KCNH8: variants seen among roughly 807,000 people sequenced by gnomAD.
KCNH8 encodes the protein voltage-gated delayed rectifier potassium channel KCNH8.
A neutral mutation model predicts 103.6 loss-of-function variants in KCNH8; 70 were observed. The observed-to-expected ratio is 0.68, with a 90% CI of 0.56 to 0.82. The LOEUF is 0.82. KCNH8 is among the 40% of genes least tolerant of loss of function. The pLI is 0.00. For missense variants in KCNH8, 1,217 were observed against 1,329.9 expected (o/e 0.92, Z 1.32); for synonymous variants, 498 against 489.4 (o/e 1.02, Z -0.23).
chr3:19,275,248 C>T (rs890785965), intron 2 of KCNH8, among the ~76,000 whole-genome samples: 10 of 151,952 alleles, frequency 6.6e-5, no homozygotes, highest in African/African-American at 2.2e-4. Flanking sequence ...ATATAGTATG[C>T]GTATTCTACC....
chr3:19,223,459 T>TA (rs953554983), intron 1 of KCNH8, among the ~76,000 whole-genome samples: 1 of 152,188 alleles, frequency 6.6e-6, no homozygotes, highest in African/African-American at 2.4e-5. Flanking sequence ...CATATTTTTT[T>TA]AAAATAAAGT....
At chr3:19,412,405 A>G (rs1461104712) in intron 7 of KCNH8, among the ~76,000 whole-genome samples, 1 of 152,052 alleles carries the variant, frequency 6.6e-6, no homozygotes, top group East Asian at 1.9e-4. Context: ...GGTGGATTAA[A>G]GAGTTAAATG....
At position 19,240,575 on chromosome 3, in the gene KCNH8, G is replaced by C. The variant is rs371461181; in HGVS notation, c.77-13079G>C. 1.1e-4 allele frequency among the ~76,000 whole-genome samples: 16 copies of C among 148,422 alleles called. No individual in the cohort carries two copies. The East Asian group carries it at 2.8e-3, about 26-fold the overall frequency. On this transcript the variant is annotated intron_variant, in intron 1 of 15. Coordinates refer to ENST00000328405, the MANE Select transcript of KCNH8 (RefSeq NM_144633.3). ...TGCGGTGAGCCGAGATCGTGCCACT[G>C]TACTCCAGCCTGGGCAACAAGAGCG...
chr3:19,216,869 C>T lies in KCNH8; in HGVS notation c.77-36785C>T, dbSNP rs140968404. Among the ~76,000 whole-genome samples, 57 of 152,280 alleles carry T rather than the reference C, an allele frequency of 3.7e-4. 1 individual carries two copies. The East Asian group carries it at 7.5e-3, about 20-fold the overall frequency. ...GTATGGCAACAGGCCAGATCCAGGA[C>T]GCCGATGCTTGCCAGGAAGGGTGAG... On this transcript the variant is annotated intron_variant, in intron 1 of 15. Transcript: ENST00000328405.
At chr3:19,249,145 A>G (rs989602230) in intron 1 of KCNH8, among the ~76,000 whole-genome samples, 5 of 152,240 alleles carry the variant, frequency 3.3e-5, no homozygotes, top group Admixed American at 2.6e-4. Flanking sequence ...CCCTTAGCAT[A>G]TGTATGGATA....
Position 19,391,305 on chromosome 3 carries a change from G to T in KCNH8, c.969+667G>T, listed in dbSNP as rs550476248. Among the ~76,000 whole-genome samples, 13 of 152,154 alleles carry T rather than the reference G, an allele frequency of 8.5e-5. No individual in the cohort carries two copies. The East Asian group carries it at 2.5e-3, about 30-fold the overall frequency. ...CAGGACAGAAAGCATATCACTTGTA[G>T]TAGCAGCCATTTTTATAATTTAATG... On this transcript the variant is annotated intron_variant, in intron 6 of 15. Coordinates refer to ENST00000328405, the MANE Select transcript of KCNH8 (RefSeq NM_144633.3).
chr3:19,248,106 T>C (rs150464731), intron 1 of KCNH8, among the ~76,000 whole-genome samples: 981 of 152,070 alleles, frequency 6.5e-3, no homozygotes, highest in Non-Finnish European at 0.011. Flanking sequence ...TATGAAAGGG[T>C]ATAATGAAAA....
intron 1 of KCNH8, among the ~76,000 whole-genome samples, chr3:19,246,705 C>G (rs1169092938): frequency 1.3e-5 from 2 of 152,072 alleles, no homozygotes; most frequent in African/African-American, 4.8e-5. Context: ...CATTTACTGT[C>G]ACTAGGTTCT....
chr3:19,308,769 CCTCCCTCT>C lies in KCNH8; in HGVS notation c.442+27444_442+27451del, dbSNP rs2065171203. 7.0e-5 allele frequency among the ~76,000 whole-genome samples: 2 copies of C among 28,556 alleles called. 1 individual carries two copies. Among genetic ancestry groups the C allele is most frequent in the East Asian group, 2.3e-3 (2 of 878 alleles). 18.7% of individuals were successfully genotyped at this position (28,556 alleles called of 152,430 possible). On this transcript the variant is annotated intron_variant, in intron 3 of 15. Transcript: ENST00000328405. ...CCCTCTCTCCCTCTCTCCCTCTCTC[CCTCCCTCT>C]CTCTCTCTCCCTCTCTCTCTCTCCC...
intron 1 of KCNH8, among the ~76,000 whole-genome samples, chr3:19,169,255 CTTTT>C (rs768036667): frequency 3.2e-5 from 4 of 124,962 alleles, no homozygotes; most frequent in South Asian, 2.5e-4. Flanking sequence ...TTCTTTCTTT[CTTTT>C]TTTTTTTTTT....
intron 5 of KCNH8, among the ~76,000 whole-genome samples, chr3:19,355,360 T>C (rs2065865917): frequency 6.6e-6 from 1 of 152,220 alleles, no homozygotes; most frequent in Non-Finnish European, 1.5e-5. Flanking sequence ...AAATACCATT[T>C]GACCCAGCCA....
At chr3:19,255,330 A>G (rs2064333139) in intron 2 of KCNH8, among the ~76,000 whole-genome samples, 2 of 152,160 alleles carry the variant, frequency 1.3e-5, no homozygotes, top group South Asian at 2.1e-4. Flanking sequence ...ATACGCATAT[A>G]TTAAGAAGTT....
At chr3:19,330,727 T>C (rs1427254167) in intron 3 of KCNH8, among the ~76,000 whole-genome samples, 2 of 152,170 alleles carry the variant, frequency 1.3e-5, no homozygotes, top group East Asian at 3.9e-4. Flanking sequence ...AGTACAAACA[T>C]AGGAGGGTCT....
intron 8 of KCNH8, among the ~76,000 whole-genome samples, chr3:19,446,733 A>T (rs182787200): frequency 1.3e-5 from 2 of 152,092 alleles, no homozygotes. Flanking sequence ...ATTAGCAATG[A>T]TGTTATACTC....
chr3:19,244,332 G>A (rs773110858), intron 1 of KCNH8, among the ~76,000 whole-genome samples: 10 of 152,070 alleles, frequency 6.6e-5, no homozygotes, highest in Non-Finnish European at 1.0e-4. Flanking sequence ...TTTTATTTAC[G>A]CAGTCTACCA....
At chr3:19,463,766 C>T (rs1222842232) in intron 11 of KCNH8, among the ~76,000 whole-genome samples, 1 of 151,994 alleles carries the variant, frequency 6.6e-6, no homozygotes, top group Admixed American at 6.6e-5. Flanking sequence ...ACATACAGGT[C>T]TATAACGGGG....
At chr3:19,274,759 C>G (rs188344168) in intron 2 of KCNH8, among the ~76,000 whole-genome samples, 1 of 149,404 alleles carries the variant, frequency 6.7e-6, no homozygotes, top group East Asian at 2.0e-4. Flanking sequence ...TAACTTGGAT[C>G]AAAATGAAAA....
intron 7 of KCNH8, among the ~76,000 whole-genome samples, chr3:19,433,412 G>A (rs1330316603): frequency 6.6e-6 from 1 of 152,078 alleles, no homozygotes; most frequent in African/African-American, 2.4e-5. Flanking sequence ...TTTACACAGA[G>A]TTTTGCTTTT....
At chr3:19,343,623 A>T (rs1018326967) in intron 4 of KCNH8, among the ~76,000 whole-genome samples, 1 of 152,056 alleles carries the variant, frequency 6.6e-6, no homozygotes, top group African/African-American at 2.4e-5. Context: ...AAACAACCAG[A>T]TCTATTTTGG....
Sources: gnomAD v4.1 joint callset for allele counts (sites outside exome capture counted in the v4.1 genomes callset) on GRCh38, gnomAD v4.1.1 for gene constraint, MANE v1.5 for transcripts, NCBI Gene and HGNC (gene_info 2026-07-23, HGNC 2026-07-21) for gene names.